The following TMEM236 variants were observed in gnomAD, a reference collection of about 807,000 sequenced individuals.
The protein encoded by TMEM236 is transmembrane protein 236, also known as family with sequence similarity 23, member A.
A neutral mutation model predicts 14.7 loss-of-function variants in TMEM236; 11 were observed. The observed-to-expected ratio is 0.75, with a 90% CI of 0.47 to 1.24. The LOEUF (loss-of-function observed/expected upper bound fraction) is 1.24, where lower values mean the gene tolerates loss of function less well. Ranked by LOEUF, TMEM236 falls within the 50% of genes most tolerant of loss-of-function variation. The pLI is 0.00. For missense variants in TMEM236, 464 were observed against 427.3 expected, an observed-to-expected ratio of 1.09 and a Z score of -0.76; for synonymous variants, 182 against 168.6, an observed-to-expected ratio of 1.08 and a Z score of -0.62.
At position 17,752,511 on chromosome 10, in the gene TMEM236, C is replaced by T. The variant is rs1399284335; in HGVS notation, c.216C>T (p.Ile72=). The T allele has an allele frequency of 6.2e-7, 1 of 1,613,768 alleles. No homozygotes were observed. Among genetic ancestry groups the T allele is most frequent in the Non-Finnish European group, 8.5e-7 (1 of 1,179,848 alleles). ...TGATCTGGGTTCCTGTAAAAGTTAT[C>T]CTGCACAAGAAACGTTATATTTACA... The part of the protein sequence containing the change: ...TLLIWVPVKV[I]LHKKRYIYRK... Residue 72 remains isoleucine, a synonymous_variant, in exon 1 of 4, where the codon ATC becomes ATT. Transcript: ENST00000377495.
intron 3 of TMEM236, among the ~76,000 whole-genome samples, chr10:17,785,187 T>G (rs1837814034): frequency 6.6e-6 from 1 of 152,210 alleles, no homozygotes; most frequent in African/African-American, 2.4e-5. Context: ...TGCCATTGAA[T>G]CGGGGGCCAC....
chr10:17,766,387 A>G (rs1837464576), intron 1 of TMEM236, among the ~76,000 whole-genome samples: 1 of 151,996 alleles, frequency 6.6e-6, no homozygotes. Flanking sequence ...TCCATCTTAA[A>G]CCTCACCAGA....
At chr10:17,784,769 C>T (rs1159205743) in intron 3 of TMEM236, among the ~76,000 whole-genome samples, 2 of 152,060 alleles carry the variant, frequency 1.3e-5, no homozygotes, top group African/African-American at 4.8e-5. Context: ...AAATAGGAAG[C>T]AAATTTTCTG....
chr10:17,780,171 C>T (rs1375486991), intron 3 of TMEM236, among the ~76,000 whole-genome samples: 22 of 152,182 alleles, frequency 1.4e-4, no homozygotes, highest in South Asian at 2.1e-4. Flanking sequence ...TTATAGAACT[C>T]GTGGCTGAAT....
At chr10:17,792,488 G>GTT (rs1174593003) in intron 3 of TMEM236, among the ~76,000 whole-genome samples, 1 of 152,184 alleles carries the variant, frequency 6.6e-6, no homozygotes, top group Non-Finnish European at 1.5e-5. Flanking sequence ...ATGTGCCTTT[G>GTT]TTTTACGTTA....
chr10:17,784,113 A>G (rs924336422), intron 3 of TMEM236, among the ~76,000 whole-genome samples: 2 of 152,088 alleles, frequency 1.3e-5, no homozygotes, highest in Non-Finnish European at 2.9e-5. Flanking sequence ...AGCTATTAGT[A>G]TTTCTGTATG....
intron 3 of TMEM236, among the ~76,000 whole-genome samples, chr10:17,779,032 T>C (rs2131755408): frequency 6.6e-6 from 1 of 152,264 alleles, no homozygotes; most frequent in East Asian, 1.9e-4. Context: ...AGCACGGCAG[T>C]CTCACAGATG....
At position 17,767,416 on chromosome 10, in the gene TMEM236, A is replaced by T. The variant is rs985910694; in HGVS notation, c.258-3893A>T. ...GCAGAGGTTGCAGTGAGCTGAGATC[A>T]GCCATTGCACTCCAGCCTGGGTGAT... On this transcript the variant is annotated intron_variant, in intron 1 of 3. Transcript: ENST00000377495. 3.4e-3 allele frequency among the ~76,000 whole-genome samples: 523 copies of T among 152,302 alleles called. 1 individual carries two copies. The highest frequency in any genetic ancestry group is 0.012 in the African/African-American group (496 of 41,562).
chr10:17,795,018 A>G (rs1357059619), intron 3 of TMEM236, among the ~76,000 whole-genome samples: 1 of 152,048 alleles, frequency 6.6e-6, no homozygotes, highest in Non-Finnish European at 1.5e-5. Context: ...ACAGAGCAAG[A>G]CTCTGTCACA....
At chr10:17,757,160 C>T (rs1564591810) in intron 1 of TMEM236, among the ~76,000 whole-genome samples, 1 of 152,182 alleles carries the variant, frequency 6.6e-6, no homozygotes, top group Admixed American at 6.6e-5. Context: ...GAAGCAGCCA[C>T]TGAGCACTGT....
chr10:17,767,606 C>CT (rs1308971329), intron 1 of TMEM236, among the ~76,000 whole-genome samples: 1 of 152,086 alleles, frequency 6.6e-6, no homozygotes, highest in Non-Finnish European at 1.5e-5. Flanking sequence ...TGAATTCCTA[C>CT]TATGTGTTGG....
chr10:17,773,108 A>G (rs1837600870), intron 2 of TMEM236, among the ~76,000 whole-genome samples: 1 of 152,276 alleles, frequency 6.6e-6, no homozygotes, highest in Admixed American at 6.5e-5. Context: ...AGTTTTGGCA[A>G]TTACAGAGAA....
chr10:17,771,343 A>C lies in TMEM236; in HGVS notation c.292A>C (p.Thr98Pro), dbSNP rs782797295. 2 of 1,613,834 alleles carry C rather than the reference A, an allele frequency of 1.2e-6. No homozygotes were observed. Among genetic ancestry groups the C allele is most frequent in the African/African-American group, 2.7e-5 (2 of 74,918 alleles). The change falls in exon 2 of 4, where the codon ACA (threonine) becomes CCA (proline). Residue 98 changes from threonine to proline, a missense_variant. Physicochemically the swap from Thr to Pro is conservative, Grantham distance 38. Transcript: ENST00000377495. ...TCTGATGATGTGTGTGGTCCTCACC[A>C]CACTGCCCTGCCTCACCTTTTCCAT... ...PVLMMCVVLTTLPCLTFSIAV... is the reference protein window; with the variant it reads ...PVLMMCVVLTPLPCLTFSIAV...
rs1014555536 is a variant in TMEM236, at chr10:17,776,488, G to A, written c.472+318G>A. Among the ~76,000 whole-genome samples the A allele has an allele frequency of 2.0e-3, 303 of 152,206 alleles. 2 individuals are homozygous for A. Among genetic ancestry groups the A allele is most frequent in the African/African-American group, 6.7e-3 (279 of 41,528 alleles). On this transcript the variant is annotated intron_variant, in intron 3 of 3. Coordinates refer to ENST00000377495, the MANE Select transcript of TMEM236 (RefSeq NM_001098844.3). Reference sequence around the variant, plus strand: ...ATTATTATAGATGTATATTTTTCTAGGAAGTCTCTTAAAGCTTATGTTTAA... The same window carrying A: ...ATTATTATAGATGTATATTTTTCTAAGAAGTCTCTTAAAGCTTATGTTTAA...
chr10:17,794,808 C>A (rs1288310903), intron 3 of TMEM236, among the ~76,000 whole-genome samples: 11 of 152,118 alleles, frequency 7.2e-5, no homozygotes. Flanking sequence ...GAGACCAAGG[C>A]ATGAAGATCA....
At chr10:17,782,184 GA>G (rs1479335808) in intron 3 of TMEM236, among the ~76,000 whole-genome samples, 3 of 152,044 alleles carry the variant, frequency 2.0e-5, no homozygotes, top group Non-Finnish European at 2.9e-5. Flanking sequence ...CAACACCTTT[GA>G]AAAACAGATA....
Position 17,791,920 on chromosome 10 carries a change from G to C in TMEM236, c.473-4001G>C, listed in dbSNP as rs1046161648. 2.0e-5 allele frequency among the ~76,000 whole-genome samples: 3 copies of C among 152,270 alleles called. 1 individual carries two copies. Among genetic ancestry groups the C allele is most frequent in the African/African-American group, 7.2e-5 (3 of 41,560 alleles). On this transcript the variant is annotated intron_variant, in intron 3 of 3. Coordinates refer to ENST00000377495, the MANE Select transcript of TMEM236 (RefSeq NM_001098844.3). ...TATGAGCTACTTCTGTGCTATTTGG[G>C]ATGCCATTTGCCAACGTCTGTCTAG... is the stretch of plus-strand genomic sequence containing the variant.
Position 17,798,113 on chromosome 10 carries a change from A to G in TMEM236, c.*1609A>G. On this transcript the variant is annotated 3_prime_UTR_variant, in exon 4 of 4. Coordinates refer to ENST00000377495, the MANE Select transcript of TMEM236 (RefSeq NM_001098844.3). ...AGTCAGCACTGTTCATTTGATAGTA[A>G]TTTTCAGATGCTAGAGAGATTTGTG... The G allele has an allele frequency of 1.1e-5, 2 of 187,712 alleles. No homozygotes were observed. The highest frequency in any genetic ancestry group is 2.1e-4 in the South Asian group (2 of 9,346). 11.6% of individuals were successfully genotyped at this position (187,712 alleles called of 1,614,324 possible).
chr10:17,762,598 T>C (rs1229514210), intron 1 of TMEM236, among the ~76,000 whole-genome samples: 6 of 76,420 alleles, frequency 7.9e-5, no homozygotes, highest in Admixed American at 5.6e-4. Context: ...TATATATATA[T>C]ATATATATAT....
Sources: allele counts gnomAD v4.1 joint callset (sites outside exome capture counted in the v4.1 genomes callset), GRCh38; gene constraint gnomAD v4.1.1; transcripts MANE v1.5; gene names NCBI Gene and HGNC (gene_info 2026-07-23, HGNC 2026-07-21).